ANXA10: variants seen among roughly 807,000 people sequenced by gnomAD.
ANXA10 encodes the protein annexin A10.
A neutral mutation model predicts 53.5 loss-of-function variants in ANXA10; 49 were observed. That is an observed-to-expected ratio of 0.92 (90% CI 0.73 to 1.16). The LOEUF (loss-of-function observed/expected upper bound fraction) is 1.16, where lower values mean the gene tolerates loss of function less well. Among genes scored for constraint, ANXA10 ranks in the 50% most tolerant of loss-of-function variants. The pLI, the probability that ANXA10 is intolerant of heterozygous loss-of-function variation, is 0.00. For synonymous variants in ANXA10, 131 were observed against 128.9 expected (o/e 1.02, Z -0.11); for missense variants, 393 against 394.4 (o/e 1.00, Z 0.03).
intron 1 of ANXA10, among the ~76,000 whole-genome samples, chr4:168,124,693 G>A (rs1271689985): frequency 6.6e-6 from 1 of 152,098 alleles, no homozygotes; most frequent in Non-Finnish European, 1.5e-5. Flanking sequence ...TAGCATACTG[G>A]GACATGTTCA....
At chr4:168,162,106 C>T (rs1731794015) in intron 3 of ANXA10, among the ~76,000 whole-genome samples, 1 of 151,906 alleles carries the variant, frequency 6.6e-6, no homozygotes, top group Non-Finnish European at 1.5e-5. Context: ...GGGACTTCTG[C>T]TAAAAGAGAC....
chr4:168,138,225 T>C (rs1341817784), intron 2 of ANXA10, among the ~76,000 whole-genome samples: 1 of 152,116 alleles, frequency 6.6e-6, no homozygotes, highest in African/African-American at 2.4e-5. Flanking sequence ...CCCCCCAAAG[T>C]GCTGGGATTA....
intron 2 of ANXA10, 76 bp from the exon 3 acceptor site, chr4:168,139,410 A>G: frequency 8.1e-7 from 1 of 1,233,002 alleles, no homozygotes; most frequent in Non-Finnish European, 1.2e-6. Flanking sequence ...CATACTGGTT[A>G]TGATCGTTAG....
Position 168,162,643 on chromosome 4 carries a change from T to C in ANXA10, c.309+2T>C, listed in dbSNP as rs1220096980. 1.1e-5 allele frequency: 18 copies of C among 1,612,996 alleles called. No homozygotes were observed. Among genetic ancestry groups the C allele is most frequent in the Non-Finnish European group, 1.4e-5 (17 of 1,179,274 alleles). ...CATGAGCTCTGGCATGCCATGAAGGTAGTGATCTGATCCAAAAATATGCCT... is the reference window on the plus strand; with the variant it reads ...CATGAGCTCTGGCATGCCATGAAGGCAGTGATCTGATCCAAAAATATGCCT... On this transcript the variant is annotated splice_donor_variant, in intron 4 of 11. Transcript: ENST00000359299. LOFTEE classifies it high-confidence loss of function.
chr4:168,181,816 T>C, intron 10 of ANXA10, 75 bp downstream of exon 10: 1 of 1,102,742 alleles, frequency 9.1e-7, no homozygotes, highest in Non-Finnish European at 1.4e-6. Context: ...TTTACTTCCA[T>C]CATTTAAATG....
chr4:168,132,734 A>G (rs1270647964), intron 2 of ANXA10, among the ~76,000 whole-genome samples: 1 of 152,130 alleles, frequency 6.6e-6, no homozygotes, highest in African/African-American at 2.4e-5. Context: ...CATCTTGTGT[A>G]CCCCATAAAT....
chr4:168,164,225 A>G lies in ANXA10; in HGVS notation c.337A>G (p.Ile113Val), dbSNP rs1157964331. ...KGVGTDENCL[I>V]EILASRTNGE... ...AGTAGGCACTGATGAGAATTGCCTC[A>G]TTGAAATACTAGCTTCAAGAACAAA... Residue 113 changes from isoleucine (I) to valine (V), a missense_variant, in exon 5 of 12, where the codon ATT becomes GTT. Ile to Val is a conservative substitution (Grantham distance 29, BLOSUM62 3). Coordinates refer to ENST00000359299, the MANE Select transcript of ANXA10 (RefSeq NM_007193.5). 3 of 1,613,002 alleles carry G rather than the reference A, an allele frequency of 1.9e-6. No individual in the cohort carries two copies. In the East Asian group the frequency reaches 6.7e-5, roughly 36 times the overall value.
intron 1 of ANXA10, among the ~76,000 whole-genome samples, chr4:168,118,732 G>T (rs1332941618): frequency 6.6e-6 from 1 of 152,106 alleles, no homozygotes. Flanking sequence ...TTAAAAATAT[G>T]TGTGTATATA....
intron 5 of ANXA10, 106 bp downstream of exon 5, chr4:168,164,394 C>A (rs1175739203): frequency 5.8e-6 from 5 of 858,796 alleles, no homozygotes; most frequent in African/African-American, 5.1e-5. Context: ...GACATTCTTA[C>A]ATTTAACATA....
At chr4:168,157,920 T>C (rs935304354) in intron 3 of ANXA10, among the ~76,000 whole-genome samples, 1 of 152,196 alleles carries the variant, frequency 6.6e-6, no homozygotes, top group African/African-American at 2.4e-5. Context: ...ATATTCCTGT[T>C]CTTTGGGTTT....
intron 1 of ANXA10, among the ~76,000 whole-genome samples, chr4:168,106,539 T>A (rs974965223): frequency 6.6e-6 from 1 of 152,122 alleles, no homozygotes; most frequent in African/African-American, 2.4e-5. Context: ...TTGAAATACA[T>A]ATCTCATTAA....
chr4:168,156,819 A>G (rs1731693423), intron 3 of ANXA10, among the ~76,000 whole-genome samples: 1 of 151,798 alleles, frequency 6.6e-6, no homozygotes, highest in South Asian at 2.1e-4. Flanking sequence ...TCTTGTTTTT[A>G]TCCATCTTGG....
chr4:168,108,207 G>A (rs1026706851), intron 1 of ANXA10, among the ~76,000 whole-genome samples: 2 of 151,948 alleles, frequency 1.3e-5, no homozygotes, highest in African/African-American at 2.4e-5. Context: ...GGTTTTAGCC[G>A]GCTTCTTTAC....
At chr4:168,165,537 C>CTA (rs1330872874) in intron 6 of ANXA10, among the ~76,000 whole-genome samples, 1 of 151,712 alleles carries the variant, frequency 6.6e-6, no homozygotes, top group Non-Finnish European at 1.5e-5. Flanking sequence ...TGCCTCAACT[C>CTA]TATTTTCAAA....
intron 1 of ANXA10, among the ~76,000 whole-genome samples, chr4:168,101,731 T>C (rs984920953): frequency 6.6e-6 from 1 of 152,238 alleles, no homozygotes; most frequent in South Asian, 2.1e-4. Context: ...GCAAAAAATA[T>C]GTGTGTATAC....
At chr4:168,172,296 CAGAT>C (rs1338308260) in intron 6 of ANXA10, among the ~76,000 whole-genome samples, 4 of 152,190 alleles carry the variant, frequency 2.6e-5, no homozygotes, top group Non-Finnish European at 5.9e-5. Context: ...GGAAAATAAA[CAGAT>C]AGGCACCATT....
chr4:168,156,821 C>T (rs1335131866), intron 3 of ANXA10, among the ~76,000 whole-genome samples: 1 of 151,894 alleles, frequency 6.6e-6, no homozygotes, highest in Admixed American at 6.6e-5. Flanking sequence ...TTGTTTTTAT[C>T]CATCTTGGTG....
intron 2 of ANXA10, among the ~76,000 whole-genome samples, chr4:168,132,956 G>A (rs1047716896): frequency 6.6e-6 from 1 of 151,960 alleles, no homozygotes. Flanking sequence ...CAGATATTTC[G>A]TGGTCATTTG....
Position 168,103,952 on chromosome 4 carries a change from T to C in ANXA10, c.18+11234T>C, listed in dbSNP as rs146684010. Reference sequence around the variant, plus strand: ...AAGTAATGGAAAATAACATTCTTGCTTTCTTCCTAGTCTAGAGCAGACTGG... The same window carrying C: ...AAGTAATGGAAAATAACATTCTTGCCTTCTTCCTAGTCTAGAGCAGACTGG... On this transcript the variant is annotated intron_variant, in intron 1 of 11. Transcript: ENST00000359299. 8.5e-5 allele frequency among the ~76,000 whole-genome samples: 13 copies of C among 152,106 alleles called. 1 individual carries two copies. The East Asian group carries it at 2.5e-3, about 29-fold the overall frequency.
Sources: gnomAD v4.1 joint callset for allele counts (sites outside exome capture counted in the v4.1 genomes callset) on GRCh38, gnomAD v4.1.1 for gene constraint, MANE v1.5 for transcripts, NCBI Gene and HGNC (gene_info 2026-07-23, HGNC 2026-07-21) for gene names.